ATOH8: variants seen among roughly 807,000 people sequenced by gnomAD.
The protein encoded by ATOH8 is transcription factor ATOH8.
In ATOH8, 9 loss-of-function variants were observed where a neutral mutation model predicts 21.2. That is an observed-to-expected ratio of 0.42 (90% CI 0.26 to 0.74). The LOEUF (loss-of-function observed/expected upper bound fraction) is 0.74, where lower values mean the gene tolerates loss of function less well. Among genes scored for constraint, ATOH8 ranks in the 30% least tolerant of loss-of-function variants. The pLI, the probability that ATOH8 is intolerant of heterozygous loss-of-function variation, is 0.24. For synonymous variants in ATOH8, 253 were observed against 224.0 expected, an observed-to-expected ratio of 1.13 and a Z score of -1.16; for missense variants, 524 against 470.9, an observed-to-expected ratio of 1.11 and a Z score of -1.04.
intron 2 of ATOH8, among the ~76,000 whole-genome samples, chr2:85,769,800 C>G (rs112890463): frequency 5.3e-5 from 8 of 152,094 alleles, no homozygotes; most frequent in Admixed American, 5.2e-4. Flanking sequence ...TCTCCAGAGC[C>G]GCACCCTGCC....
chr2:85,772,320 T>A (rs1377580245), intron 2 of ATOH8, among the ~76,000 whole-genome samples: 1 of 152,148 alleles, frequency 6.6e-6, no homozygotes, highest in Admixed American at 6.5e-5. Context: ...TCGGGCGCTG[T>A]GGTTTTGATT....
intron 2 of ATOH8, chr2:85,775,059 ACT>A: frequency 4.1e-6 from 4 of 977,846 alleles, no homozygotes; most frequent in Non-Finnish European, 4.9e-6. Flanking sequence ...ACAATATGAA[ACT>A]CTATTATGTG....
intron 2 of ATOH8, among the ~76,000 whole-genome samples, chr2:85,767,580 T>TCCCCTCC (rs1680052547): frequency 0.012 from 927 of 79,158 alleles, 18 homozygotes; most frequent in South Asian, 0.016. Flanking sequence ...CCCTCCCCTC[T>TCCCCTCC]CCTTCCCTTC....
rs1217310934 is a variant in ATOH8, at chr2:85,765,136, A to G, written c.960+954A>G. On this transcript the variant is annotated intron_variant, in intron 2 of 2. Coordinates refer to ENST00000306279, the MANE Select transcript of ATOH8 (RefSeq NM_032827.7). ...CGGATCTCTGTTACCACGTGGCTTC[A>G]GGGAGAGCAACAGAGAGTGGGATCC... 2.6e-5 allele frequency among the ~76,000 whole-genome samples: 4 copies of G among 152,220 alleles called. No individual in the cohort carries two copies. The East Asian group carries it at 7.7e-4, about 29-fold the overall frequency.
chr2:85,768,484 G>A (rs1396672615), intron 2 of ATOH8, among the ~76,000 whole-genome samples: 1 of 152,218 alleles, frequency 6.6e-6, no homozygotes, highest in African/African-American at 2.4e-5. Context: ...GATGCCTGCT[G>A]TAGCAGCTGT....
intron 1 of ATOH8, among the ~76,000 whole-genome samples, chr2:85,759,389 CTGAG>C (rs1433203223): frequency 5.9e-5 from 9 of 152,266 alleles, no homozygotes; most frequent in African/African-American, 2.2e-4. Context: ...CCTCACTGCA[CTGAG>C]TGAGGCCTTA....
chr2:85,779,776 A>T (rs186635365), intron 2 of ATOH8, among the ~76,000 whole-genome samples: 1 of 152,256 alleles, frequency 6.6e-6, no homozygotes, highest in Non-Finnish European at 1.5e-5. Context: ...AGCGGTAGGC[A>T]CCTCCCAGGA....
At chr2:85,758,733 G>C (rs1269655791) in intron 1 of ATOH8, among the ~76,000 whole-genome samples, 1 of 152,218 alleles carries the variant, frequency 6.6e-6, no homozygotes, top group Non-Finnish European at 1.5e-5. Flanking sequence ...AGGGCAGATG[G>C]TCAGGCCCCA....
chr2:85,764,878 A>C (rs1679966960), intron 2 of ATOH8, among the ~76,000 whole-genome samples: 1 of 152,178 alleles, frequency 6.6e-6, no homozygotes, highest in Non-Finnish European at 1.5e-5. Flanking sequence ...TTGAAAGGGC[A>C]TCTTAGTGTA....
chr2:85,757,992 G>T (rs1402202746), intron 1 of ATOH8, among the ~76,000 whole-genome samples: 1 of 151,908 alleles, frequency 6.6e-6, no homozygotes, highest in Admixed American at 6.6e-5. Flanking sequence ...TCACCATGTT[G>T]CCCAGGCTGG....
At chr2:85,761,892 G>A (rs1161099306) in intron 1 of ATOH8, among the ~76,000 whole-genome samples, 2 of 152,340 alleles carry the variant, frequency 1.3e-5, no homozygotes, top group East Asian at 3.9e-4. Context: ...GGATGGGTTT[G>A]GAGCTGCAGC....
Position 85,754,221 on chromosome 2 carries a change from C to T in ATOH8, c.32C>T (p.Pro11Leu), listed in dbSNP as rs1486611949. Residue 11 changes from proline to leucine, a missense_variant, in exon 1 of 3, where the codon CCG (proline) becomes CTG (leucine). Coordinates refer to ENST00000306279, the MANE Select transcript of ATOH8 (RefSeq NM_032827.7). MKHIPVLEDG[P>L]WKTVCVKELN... ...CACATCCCGGTCCTCGAGGACGGGC[C>T]GTGGAAGACCGTGTGCGTGAAGGAG... The T allele has an allele frequency of 1.2e-6, 2 of 1,602,578 alleles. No homozygotes were observed. The highest frequency in any genetic ancestry group is 1.7e-5 in the Admixed American group (1 of 59,498).
chr2:85,768,953 C>G (rs546024640), intron 2 of ATOH8, among the ~76,000 whole-genome samples: 1 of 152,130 alleles, frequency 6.6e-6, no homozygotes, highest in Non-Finnish European at 1.5e-5. Context: ...GTTCTGACTC[C>G]GGCTGCAGCC....
At position 85,790,636 on chromosome 2, in the gene ATOH8, G is replaced by A. The variant is rs1479988802; in HGVS notation, c.*3746G>A. On this transcript the variant is annotated 3_prime_UTR_variant, in exon 3 of 3. Coordinates refer to ENST00000306279, the MANE Select transcript of ATOH8 (RefSeq NM_032827.7). ...CTCCACCAAGTTCCCCTTTCTCACA[G>A]CTAGTGGAGGCATGAGTAGGCAGGT... Among the ~76,000 whole-genome samples, 1 of 152,158 alleles carries A rather than the reference G, an allele frequency of 6.6e-6. No individual in the cohort carries two copies. The highest frequency in any genetic ancestry group is 1.5e-5 in the Non-Finnish European group (1 of 68,030).
intron 1 of ATOH8, chr2:85,761,049 G>C (rs1234565339): frequency 1.3e-5 from 2 of 152,458 alleles, no homozygotes; most frequent in African/African-American, 4.8e-5. Flanking sequence ...CTGCATCCGG[G>C]GGCATGGGCA....
intron 2 of ATOH8, chr2:85,774,791 C>T (rs1026016040): frequency 3.0e-6 from 3 of 984,370 alleles, no homozygotes; most frequent in Non-Finnish European, 3.6e-6. Flanking sequence ...AATTTACACC[C>T]CAGCAGCACA....
intron 2 of ATOH8, chr2:85,773,065 A>G (rs913266545): frequency 2.8e-6 from 1 of 356,204 alleles, no homozygotes; most frequent in African/African-American, 2.1e-5. Flanking sequence ...AGGCAGCGCC[A>G]TGGCAGAGTC....
intron 2 of ATOH8, chr2:85,781,024 C>T (rs1680473359): frequency 1.0e-6 from 1 of 987,976 alleles, no homozygotes; most frequent in Middle Eastern, 2.8e-4. Flanking sequence ...AGAATAACCT[C>T]TGCAAAGTCT....
At chr2:85,760,354 G>A (rs911912768) in intron 1 of ATOH8, among the ~76,000 whole-genome samples, 1 of 151,974 alleles carries the variant, frequency 6.6e-6, no homozygotes, top group African/African-American at 2.4e-5. Context: ...GGACTCTGTA[G>A]GCGGTGCGGG....
Sources: gnomAD v4.1 joint callset for allele counts (sites outside exome capture counted in the v4.1 genomes callset) on GRCh38, gnomAD v4.1.1 for gene constraint, MANE v1.5 for transcripts, NCBI Gene and HGNC (gene_info 2026-07-23, HGNC 2026-07-21) for gene names.